NXN: variants seen among roughly 807,000 people sequenced by gnomAD.
NXN encodes the protein nucleoredoxin.
Under a neutral mutation model 48.6 loss-of-function variants are expected in NXN, and 16 were observed. The ratio of observed to expected loss-of-function variants is 0.33; its 90% CI spans 0.22 to 0.50. The LOEUF is 0.50. Ranked by LOEUF, NXN falls within the 20% of genes least tolerant of loss-of-function variation. The pLI is 0.98. For missense variants in NXN, 492 were observed against 605.5 expected (o/e 0.81, Z 1.97); for synonymous variants, 281 against 269.6 (o/e 1.04, Z -0.41).
At chr17:889,982 C>A (rs1230374814) in intron 1 of NXN, among the ~76,000 whole-genome samples, 2 of 152,138 alleles carry the variant, frequency 1.3e-5, no homozygotes, top group African/African-American at 4.8e-5. Context: ...AGTACCCCAT[C>A]CCTCTCACCA....
chr17:896,380 G>A lies in NXN; in HGVS notation c.361-70302C>T, dbSNP rs558137784. 1.0e-3 allele frequency among the ~76,000 whole-genome samples: 155 copies of A among 151,518 alleles called. 1 individual carries two copies. Among genetic ancestry groups the A allele is most frequent in the African/African-American group, 3.5e-3 (143 of 41,202 alleles). ...AATTAAGTAAGCAAGGCATGGTGGC[G>A]TGTGCCTGCAGTCCTAACTACTCGG... On this transcript the variant is annotated intron_variant, in intron 1 of 7. Coordinates refer to ENST00000336868, the MANE Select transcript of NXN (RefSeq NM_022463.5).
chr17:859,190 T>C lies in NXN; in HGVS notation c.361-33112A>G, dbSNP rs138054564. On this transcript the variant is annotated intron_variant, in intron 1 of 7. Coordinates refer to ENST00000336868, the MANE Select transcript of NXN (RefSeq NM_022463.5). ...CCAGCTCTAGTTTGAAAATGAGGCC[T>C]TCTCAGTCTGAGCCCACAACCATAT... 4.0e-4 allele frequency among the ~76,000 whole-genome samples: 61 copies of C among 152,312 alleles called. No individual in the cohort carries two copies. In the East Asian group the frequency reaches 0.011, roughly 28 times the overall value.
intron 1 of NXN, among the ~76,000 whole-genome samples, chr17:944,045 C>G (rs1265359613): frequency 2.6e-5 from 4 of 151,988 alleles, no homozygotes; most frequent in Non-Finnish European, 5.9e-5. Flanking sequence ...CGAGACCAGC[C>G]TGGCCAACAT....
At chr17:848,751 C>T (rs2067892513) in intron 1 of NXN, among the ~76,000 whole-genome samples, 1 of 152,210 alleles carries the variant, frequency 6.6e-6, no homozygotes. Flanking sequence ...TTTGCAGATT[C>T]AGAAGCTAAC....
intron 1 of NXN, among the ~76,000 whole-genome samples, chr17:976,371 T>C (rs1325517471): frequency 6.6e-6 from 1 of 152,156 alleles, no homozygotes; most frequent in African/African-American, 2.4e-5. Context: ...CAATTTTCTT[T>C]AGAGAAATGC....
rs376300100 is a variant in NXN at position 825,939 on chromosome 17, T to C, written c.478+22A>G. On this transcript the variant is annotated intron_variant, in intron 2 of 7. Transcript: ENST00000336868. This position sits in a 1 kb window ranked among gnomAD's most constrained non-coding sequence, Gnocchi z 4.1. Reference sequence around the variant, plus strand: ...GGAGGGCTGGGTAATAAGAGGACCATATGCACGGGCTGAGGTTTTACCTTC... The same window carrying C: ...GGAGGGCTGGGTAATAAGAGGACCACATGCACGGGCTGAGGTTTTACCTTC... 223 of 1,492,970 alleles carry C rather than the reference T, an allele frequency of 1.5e-4. No individual in the cohort carries two copies. The highest frequency in any genetic ancestry group is 3.9e-4 in the Admixed American group (23 of 58,478). 92.5% of individuals were successfully genotyped at this position (1,492,970 alleles called of 1,614,324 possible). A position where few individuals can be genotyped will look rare whatever the true frequency, so the allele number is the denominator to read the frequency against.
intron 1 of NXN, among the ~76,000 whole-genome samples, chr17:868,894 AAG>A (rs1366363252): frequency 2.0e-4 from 30 of 152,358 alleles, no homozygotes; most frequent in Admixed American, 5.9e-4. Context: ...TGAGCAGAGA[AAG>A]GAAAATGTCC....
intron 1 of NXN, among the ~76,000 whole-genome samples, chr17:829,458 CTTT>C (rs34243095): frequency 1.1e-4 from 15 of 141,016 alleles, no homozygotes; most frequent in African/African-American, 3.4e-4. Flanking sequence ...CTCGGACTAT[CTTT>C]TTTTTTTTTT....
At chr17:851,412 G>A (rs1174789871) in intron 1 of NXN, among the ~76,000 whole-genome samples, 1 of 152,272 alleles carries the variant, frequency 6.6e-6, no homozygotes, top group Non-Finnish European at 1.5e-5. Context: ...CAGAGGGGCT[G>A]AGGGGCTACA....
intron 5 of NXN, among the ~76,000 whole-genome samples, chr17:812,841 T>TA (rs1382339429): frequency 5.4e-5 from 8 of 148,586 alleles, no homozygotes; most frequent in Non-Finnish European, 1.0e-4. Flanking sequence ...TGTGTGAGTG[T>TA]AGGTGTGTGC....
At chr17:848,565 T>G (rs2067890387) in intron 1 of NXN, among the ~76,000 whole-genome samples, 1 of 152,246 alleles carries the variant, frequency 6.6e-6, no homozygotes, top group Non-Finnish European at 1.5e-5. Context: ...GATGGGCGTT[T>G]CCATCAAAAC....
At chr17:869,721 G>A (rs766288123) in intron 1 of NXN, among the ~76,000 whole-genome samples, 11 of 152,210 alleles carry the variant, frequency 7.2e-5, no homozygotes, top group African/African-American at 1.2e-4. Flanking sequence ...GAGGGAAGGC[G>A]GACGTGGTCA....
At chr17:806,271 G>GCC (rs1244392137) in intron 5 of NXN, among the ~76,000 whole-genome samples, 8 of 60,094 alleles carry the variant, frequency 1.3e-4, no homozygotes, top group Admixed American at 3.3e-4. Context: ...CTGCACCCCA[G>GCC]CTCCCCCCTT....
At chr17:823,559 C>A in intron 3 of NXN, 73 bp downstream of exon 3, 1 of 1,569,556 alleles carries the variant, frequency 6.4e-7, no homozygotes, top group Non-Finnish European at 8.7e-7. Flanking sequence ...CCCCCAGAAG[C>A]CAACCACAGC....
chr17:950,292 G>A (rs993148941), intron 1 of NXN, among the ~76,000 whole-genome samples: 12 of 152,194 alleles, frequency 7.9e-5, no homozygotes, highest in African/African-American at 2.7e-4. Flanking sequence ...TTTTATACAA[G>A]AAAGGGATTC....
At chr17:926,819 G>A (rs1003536382) in intron 1 of NXN, among the ~76,000 whole-genome samples, 1 of 152,014 alleles carries the variant, frequency 6.6e-6, no homozygotes, top group Non-Finnish European at 1.5e-5. Flanking sequence ...TGGGATTCCA[G>A]GCGTGAGCCA....
chr17:849,335 C>A lies in NXN; in HGVS notation c.361-23257G>T, dbSNP rs527661958. ...GTCACCTGAGGTCAGGAGTTAGAGA[C>A]CACCCTGGCAAACAGGGTGAAATCT... is the stretch of plus-strand genomic sequence containing the variant. On this transcript the variant is annotated intron_variant, in intron 1 of 7. Coordinates refer to ENST00000336868, the MANE Select transcript of NXN (RefSeq NM_022463.5). The surrounding 1 kb of genome is among the most constrained non-coding windows in gnomAD (Gnocchi z 4.2). Among the ~76,000 whole-genome samples, 2 of 152,274 alleles carry A rather than the reference C, an allele frequency of 1.3e-5. No individual in the cohort carries two copies. Among genetic ancestry groups the A allele is most frequent in the Admixed American group, 1.3e-4 (2 of 15,292 alleles).
chr17:895,776 C>T (rs570746146), intron 1 of NXN, among the ~76,000 whole-genome samples: 119 of 14,614 alleles, frequency 8.1e-3, no homozygotes, highest in Non-Finnish European at 0.012. Context: ...CGAGATCGCA[C>T]CACTGCACTC....
intron 1 of NXN, among the ~76,000 whole-genome samples, chr17:842,117 CAGAG>C (rs1195627707): frequency 1.3e-5 from 2 of 152,126 alleles, no homozygotes; most frequent in African/African-American, 4.8e-5. Flanking sequence ...GCCTGGGCGA[CAGAG>C]AGAGACTCCC....
Sources: allele counts gnomAD v4.1 joint callset (sites outside exome capture counted in the v4.1 genomes callset), GRCh38; gene constraint gnomAD v4.1.1; non-coding constraint Gnocchi (gnomAD v3.1); transcripts MANE v1.5; gene names NCBI Gene and HGNC (gene_info 2026-07-23, HGNC 2026-07-21).